The following BCAT1 variants were observed in gnomAD, a reference collection of about 807,000 sequenced individuals.
BCAT1 encodes branched chain amino acid transaminase 1.
Under a neutral mutation model 52.4 loss-of-function variants are expected in BCAT1, and 48 were observed. That is an observed-to-expected ratio of 0.92 (90% confidence interval 0.73 to 1.16). BCAT1 has a LOEUF of 1.16. Ranked by LOEUF, BCAT1 falls within the 50% of genes most tolerant of loss-of-function variation. The pLI, the probability that BCAT1 is intolerant of heterozygous loss-of-function variation, is 0.00. For missense variants in BCAT1, 451 were observed against 457.1 expected (o/e 0.99, Z 0.12); for synonymous variants, 167 against 161.3 (o/e 1.04, Z -0.27).
intron 1 of BCAT1, among the ~76,000 whole-genome samples, chr12:24,932,463 G>C (rs140298095): frequency 6.6e-6 from 1 of 152,164 alleles, no homozygotes; most frequent in African/African-American, 2.4e-5. Context: ...ATTTGTACCA[G>C]CTTTCTCTCA....
At chr12:24,933,812 T>A (rs920569605) in intron 1 of BCAT1, among the ~76,000 whole-genome samples, 1 of 151,984 alleles carries the variant, frequency 6.6e-6, no homozygotes, top group Admixed American at 6.6e-5. Flanking sequence ...CACCGGCGGG[T>A]GGCGAATGCA....
intron 1 of BCAT1, chr12:24,902,516 G>A (rs1020940001): frequency 7.9e-6 from 5 of 632,058 alleles, no homozygotes; most frequent in Middle Eastern, 6.4e-4. Flanking sequence ...ACGGGGGTGG[G>A]GGTGGGGAAG....
At chr12:24,943,928 G>A (rs764032298) in intron 1 of BCAT1, among the ~76,000 whole-genome samples, 3 of 151,662 alleles carry the variant, frequency 2.0e-5, no homozygotes, top group African/African-American at 7.3e-5. Context: ...AGCTTGCAGT[G>A]AGCCGAGATC....
At chr12:24,866,779 C>G (rs1313680283) in intron 5 of BCAT1, among the ~76,000 whole-genome samples, 1 of 152,100 alleles carries the variant, frequency 6.6e-6, no homozygotes, top group Non-Finnish European at 1.5e-5. Context: ...TGTAAATGCA[C>G]CAATCAGCAC....
intron 1 of BCAT1, chr12:24,902,888 G>A (rs1222426500): frequency 3.3e-6 from 5 of 1,514,266 alleles, no homozygotes; most frequent in East Asian, 2.7e-5. Context: ...AGGCCCGCGA[G>A]CTACCGAGAC....
chr12:24,898,520 C>CTTTTTTTTTTTTTTTTTTTTTTTTTT lies in BCAT1; in HGVS notation c.78+3268_78+3293dup. ...TGTTTCAGCCAGGGTTCAGTCAACA[C>CTTTTTTTTTTTTTTTTTTTTTTTTTT]TTTTTTTTTTTTTTTTTTTTTTTTT... is the stretch of plus-strand genomic sequence containing the variant. On this transcript the variant is annotated intron_variant, in intron 2 of 10. Transcript: ENST00000261192. Among the ~76,000 whole-genome samples, 2 of 38,528 alleles carry CTTTTTTTTTTTTTTTTTTTTTTTTTT rather than the reference C, an allele frequency of 5.2e-5. 1 individual carries two copies. Among genetic ancestry groups the CTTTTTTTTTTTTTTTTTTTTTTTTTT allele is most frequent in the Non-Finnish European group, 8.7e-5 (2 of 22,904 alleles). The allele number at this position is 38,528 out of a possible 152,430, so 25.3% of individuals were successfully genotyped here. A position where few individuals can be genotyped will look rare whatever the true frequency, so the allele number is the denominator to read the frequency against.
At chr12:24,911,480 G>A (rs1424731755) in intron 1 of BCAT1, among the ~76,000 whole-genome samples, 1 of 152,206 alleles carries the variant, frequency 6.6e-6, no homozygotes, top group Non-Finnish European at 1.5e-5. Context: ...CACAGAATGA[G>A]CACGTGCCAA....
At chr12:24,899,883 T>C (rs977816961) in intron 2 of BCAT1, among the ~76,000 whole-genome samples, 1 of 151,170 alleles carries the variant, frequency 6.6e-6, no homozygotes, top group South Asian at 2.1e-4. Flanking sequence ...CATAGAATGA[T>C]AGATATCAGA....
At chr12:24,923,022 T>C (rs539960990) in intron 1 of BCAT1, among the ~76,000 whole-genome samples, 25 of 152,280 alleles carry the variant, frequency 1.6e-4, no homozygotes, top group African/African-American at 5.5e-4. Context: ...TGTGATAATA[T>C]GTGTAAAATA....
intron 6 of BCAT1, among the ~76,000 whole-genome samples, chr12:24,845,625 A>G (rs1941322745): frequency 6.6e-6 from 1 of 152,228 alleles, no homozygotes; most frequent in South Asian, 2.1e-4. Flanking sequence ...TTTTTCCCTC[A>G]TTTAATTATC....
chr12:24,851,529 T>C (rs147500096), intron 5 of BCAT1, among the ~76,000 whole-genome samples: 22 of 152,304 alleles, frequency 1.4e-4, no homozygotes, highest in African/African-American at 5.3e-4. Context: ...AATGGGAAGG[T>C]AATTTCATTA....
intron 3 of BCAT1, among the ~76,000 whole-genome samples, chr12:24,887,027 C>A (rs1251032876): frequency 1.6e-5 from 2 of 127,910 alleles, no homozygotes; most frequent in Admixed American, 9.2e-5. Context: ...CACACCACTG[C>A]TCTCCAGCCT....
intron 1 of BCAT1, among the ~76,000 whole-genome samples, chr12:24,936,313 A>G (rs1356872766): frequency 6.6e-6 from 1 of 152,170 alleles, no homozygotes; most frequent in Non-Finnish European, 1.5e-5. Flanking sequence ...GCTTACTGCA[A>G]TCTCTACCTC....
intron 5 of BCAT1, among the ~76,000 whole-genome samples, chr12:24,869,014 A>G (rs1225694210): frequency 6.6e-6 from 1 of 152,272 alleles, no homozygotes; most frequent in African/African-American, 2.4e-5. Flanking sequence ...TTGCAAAGGC[A>G]CTTCACAAGA....
chr12:24,946,344 A>C (rs545743297), intron 1 of BCAT1, among the ~76,000 whole-genome samples: 5 of 152,324 alleles, frequency 3.3e-5, no homozygotes, highest in African/African-American at 1.2e-4. Context: ...AACTGAGACA[A>C]AATTTATATA....
At chr12:24,922,871 CAA>C (rs112388852) in intron 1 of BCAT1, among the ~76,000 whole-genome samples, 24 of 107,096 alleles carry the variant, frequency 2.2e-4, no homozygotes, top group Non-Finnish European at 1.4e-4. Context: ...CTCTGTCTCT[CAA>C]AAAAAAAAAA....
intron 10 of BCAT1, among the ~76,000 whole-genome samples, chr12:24,822,844 T>C (rs543840530): frequency 6.6e-6 from 1 of 152,324 alleles, no homozygotes; most frequent in South Asian, 2.1e-4. Context: ...ACTACCATTA[T>C]ACTTTACTAC....
At chr12:24,826,099 C>G (rs1307714078) in intron 10 of BCAT1, among the ~76,000 whole-genome samples, 1 of 152,056 alleles carries the variant, frequency 6.6e-6, no homozygotes, top group Non-Finnish European at 1.5e-5. Context: ...GTGGTTCTAG[C>G]TACATGGAAA....
chr12:24,894,672 A>T (rs1942919880), intron 2 of BCAT1, among the ~76,000 whole-genome samples, 197 bp from the exon 3 acceptor site: 1 of 152,210 alleles, frequency 6.6e-6, no homozygotes, highest in African/African-American at 2.4e-5. Context: ...TCTGCAATGT[A>T]CACTGCCTAA....
Sources: allele counts gnomAD v4.1 joint callset (sites outside exome capture counted in the v4.1 genomes callset), GRCh38; gene constraint gnomAD v4.1.1; transcripts MANE v1.5; gene names NCBI Gene and HGNC (gene_info 2026-07-23, HGNC 2026-07-21).